Variants in MTMR7 observed in about 807,000 individuals in gnomAD.
MTMR7 encodes the protein phosphatidylinositol-3-phosphate phosphatase MTMR7.
Under a neutral mutation model 81.2 loss-of-function variants are expected in MTMR7, and 76 were observed. The observed-to-expected ratio is 0.94, with a 90% confidence interval of 0.78 to 1.13. The LOEUF is 1.13. Among genes scored for constraint, MTMR7 ranks in the 50% most tolerant of loss-of-function variants. The pLI is 0.00. For synonymous variants in MTMR7, 372 were observed against 289.8 expected (o/e 1.28, Z -2.88); for missense variants, 1,044 against 820.0 (o/e 1.27, Z -3.34).
At chr8:17,402,194 G>A (rs1311851608) in intron 1 of MTMR7, among the ~76,000 whole-genome samples, 1 of 152,064 alleles carries the variant, frequency 6.6e-6, no homozygotes, top group Non-Finnish European at 1.5e-5. Context: ...TCACATCATG[G>A]TAAATGGGGT....
intron 10 of MTMR7, among the ~76,000 whole-genome samples, chr8:17,307,068 ACAG>A (rs1386516624): frequency 6.6e-6 from 1 of 152,232 alleles, no homozygotes; most frequent in African/African-American, 2.4e-5. Context: ...GAGCTTCTGC[ACAG>A]CAGAAGAAAC....
At chr8:17,348,259 C>T (rs559122063) in intron 5 of MTMR7, among the ~76,000 whole-genome samples, 110 of 152,064 alleles carry the variant, frequency 7.2e-4, no homozygotes, top group African/African-American at 2.5e-3. Context: ...GTAATAAGGC[C>T]GGGCACAGTG....
intron 5 of MTMR7, 93 bp from the exon 6 acceptor site, chr8:17,341,590 C>T (rs1041440558): frequency 2.1e-6 from 3 of 1,449,362 alleles, no homozygotes; most frequent in Non-Finnish European, 1.9e-6. Flanking sequence ...GAGCCCTTGG[C>T]TCACTGATAG....
chr8:17,378,183 A>G (rs192206595), intron 1 of MTMR7, among the ~76,000 whole-genome samples: 95 of 152,300 alleles, frequency 6.2e-4, no homozygotes, highest in Admixed American at 3.4e-3. Flanking sequence ...AATAGTTCCT[A>G]CAGGTCCCAG....
At chr8:17,406,993 T>A (rs964956833) in intron 1 of MTMR7, among the ~76,000 whole-genome samples, 2 of 152,146 alleles carry the variant, frequency 1.3e-5, no homozygotes, top group African/African-American at 4.8e-5. Context: ...ATGGGTATAG[T>A]GTTTCTCTTT....
intron 7 of MTMR7, among the ~76,000 whole-genome samples, chr8:17,330,931 A>G (rs1345702649): frequency 2.0e-5 from 3 of 152,226 alleles, no homozygotes; most frequent in Non-Finnish European, 4.4e-5. Flanking sequence ...ACCATTGTAG[A>G]GTCCCTGACT....
At chr8:17,316,171 G>A (rs1262683250) in intron 7 of MTMR7, among the ~76,000 whole-genome samples, 1 of 151,976 alleles carries the variant, frequency 6.6e-6, no homozygotes, top group African/African-American at 2.4e-5. Context: ...CTGTCCTTCA[G>A]TTTCCTCAAC....
intron 3 of MTMR7, among the ~76,000 whole-genome samples, chr8:17,363,535 AT>A (rs1820121074): frequency 6.6e-6 from 1 of 152,240 alleles, no homozygotes; most frequent in Non-Finnish European, 1.5e-5. Flanking sequence ...TATAACAGAC[AT>A]TAAGCAGATC....
chr8:17,309,086 C>T (rs538436304), intron 10 of MTMR7, among the ~76,000 whole-genome samples, 191 bp downstream of exon 10: 58 of 152,138 alleles, frequency 3.8e-4, no homozygotes, highest in Non-Finnish European at 4.4e-4. Flanking sequence ...TAGTTCTGCC[C>T]AACTGTTACC....
At chr8:17,350,006 T>G (rs1277959322) in intron 4 of MTMR7, among the ~76,000 whole-genome samples, 1 of 152,224 alleles carries the variant, frequency 6.6e-6, no homozygotes, top group African/African-American at 2.4e-5. Flanking sequence ...GCAACACCCA[T>G]GGCAAAGCAC....
At chr8:17,380,570 CT>C (rs1218914062) in intron 1 of MTMR7, among the ~76,000 whole-genome samples, 1 of 30,330 alleles carries the variant, frequency 3.3e-5, no homozygotes, top group South Asian at 1.6e-3. Context: ...AGCTGATGAG[CT>C]TAAAAAAAAA....
chr8:17,352,643 C>A (rs1819761190), intron 4 of MTMR7, among the ~76,000 whole-genome samples: 1 of 152,064 alleles, frequency 6.6e-6, no homozygotes, highest in Admixed American at 6.6e-5. Context: ...TCAAAGGACA[C>A]AATCAAAAGT....
chr8:17,399,307 C>CA (rs1821353967), intron 1 of MTMR7, among the ~76,000 whole-genome samples: 1 of 152,006 alleles, frequency 6.6e-6, no homozygotes, highest in African/African-American at 2.4e-5. Flanking sequence ...AATCAAAATA[C>CA]GAAAAACAGT....
chr8:17,384,720 T>A (rs908087959), intron 1 of MTMR7, among the ~76,000 whole-genome samples: 11 of 152,210 alleles, frequency 7.2e-5, no homozygotes, highest in Non-Finnish European at 1.5e-4. Flanking sequence ...CCTATTTACA[T>A]AAAGTTACTG....
At chr8:17,335,191 T>A (rs977790395) in intron 6 of MTMR7, among the ~76,000 whole-genome samples, 3 of 152,072 alleles carry the variant, frequency 2.0e-5, no homozygotes, top group African/African-American at 7.2e-5. Context: ...ACCTCAGCGC[T>A]GACAGAGAGG....
At chr8:17,303,020 C>G (rs1395128696) in intron 12 of MTMR7, among the ~76,000 whole-genome samples, 1 of 151,962 alleles carries the variant, frequency 6.6e-6, no homozygotes, top group African/African-American at 2.4e-5. Flanking sequence ...CAATAAATCC[C>G]TTTTTATCCT....
intron 4 of MTMR7, among the ~76,000 whole-genome samples, chr8:17,351,909 CA>C (rs1819741061): frequency 6.6e-6 from 1 of 152,324 alleles, no homozygotes; most frequent in African/African-American, 2.4e-5. Flanking sequence ...ATTAAAATAA[CA>C]ATCCTACCTT....
chr8:17,407,346 T>G (rs74354192), intron 1 of MTMR7, among the ~76,000 whole-genome samples: 1 of 152,096 alleles, frequency 6.6e-6, no homozygotes, highest in Admixed American at 6.5e-5. Flanking sequence ...AAGAAAGCAA[T>G]GGAATGGTAT....
At chr8:17,302,371 G>C in intron 12 of MTMR7, 91 bp from the exon 13 acceptor site, 1 of 1,357,160 alleles carries the variant, frequency 7.4e-7, no homozygotes, top group Non-Finnish European at 9.8e-7. Flanking sequence ...TGATACCACA[G>C]TCTTAATAAT....
Sources: gnomAD v4.1 joint callset for allele counts (sites outside exome capture counted in the v4.1 genomes callset) on GRCh38, gnomAD v4.1.1 for gene constraint, MANE v1.5 for transcripts, NCBI Gene and HGNC (gene_info 2026-07-23, HGNC 2026-07-21) for gene names.